NLGN4X: variants seen among roughly 807,000 people sequenced by gnomAD.
NLGN4X encodes the protein neuroligin 4 X-linked, also known as neuroligin-4, X-linked.
In NLGN4X, 3 loss-of-function variants were observed where a neutral mutation model predicts 40.3. That is an observed-to-expected ratio of 0.07 (90% CI 0.03 to 0.19). NLGN4X has a LOEUF of 0.19. NLGN4X is among the 10% of genes least tolerant of loss of function. The probability of loss-of-function intolerance (pLI) is 1.00; values close to 1 mark genes in which losing one functional copy is unlikely to be tolerated. For missense variants in NLGN4X, 382 were observed against 708.3 expected (o/e 0.54, Z 5.23); for synonymous variants, 270 against 306.8 (o/e 0.88, Z 1.25).
chrX:6,005,523 T>G, intron 3 of NLGN4X, among the ~76,000 whole-genome samples: 1 of 111,221 alleles, frequency 9.0e-6, no homozygotes, highest in Non-Finnish European at 1.9e-5. Context: ...TTGTTGGGAC[T>G]CATAAACCCA....
chrX:6,028,008 G>T (rs1214070443), intron 3 of NLGN4X, among the ~76,000 whole-genome samples: 2 of 109,717 alleles, frequency 1.8e-5, no homozygotes, highest in African/African-American at 6.6e-5. Context: ...GTAGAGACAG[G>T]GTTTCACCAC....
Position 5,892,448 on chromosome X carries a change from G to T in NLGN4X, c.*369C>A. 1 of 225,486 alleles carries T rather than the reference G, an allele frequency of 4.4e-6. No individual in the cohort carries two copies. The highest frequency in any genetic ancestry group is 6.1e-5 in the Admixed American group (1 of 16,300). 18.6% of individuals were successfully genotyped at this position (225,486 alleles called of 1,213,427 possible). A position where few individuals can be genotyped will look rare whatever the true frequency, so the allele number is the denominator to read the frequency against. The stretch of plus-strand genomic sequence containing the variant: ...AATTAAAAAATATCAAGTGTCCTTG[G>T]CTGAGTTTCAGAAGTGTCAGCTGCT... On this transcript the variant is annotated 3_prime_UTR_variant, in exon 6 of 6. Coordinates refer to ENST00000381095, the MANE Select transcript of NLGN4X (RefSeq NM_181332.3).
intron 3 of NLGN4X, among the ~76,000 whole-genome samples, chrX:6,006,619 A>T (rs1193982732): frequency 9.0e-6 from 1 of 111,467 alleles, no homozygotes; most frequent in African/African-American, 3.3e-5. Context: ...ATTTCAAACG[A>T]GCTATTTTAC....
At chrX:6,197,434 T>A (rs1923200295) in intron 1 of NLGN4X, among the ~76,000 whole-genome samples, 2 of 107,979 alleles carry the variant, frequency 1.9e-5, no homozygotes, top group South Asian at 8.2e-4. Context: ...GCTATTTTTT[T>A]TTTTTTTTGT....
intron 1 of NLGN4X, among the ~76,000 whole-genome samples, chrX:6,178,797 A>G (rs1056175216): frequency 8.9e-6 from 1 of 111,977 alleles, no homozygotes; most frequent in African/African-American, 3.3e-5. Flanking sequence ...ACTTATGCTA[A>G]AAGTAAAATA....
rs2036049829 is a variant in NLGN4X at position 6,004,376 on chromosome X, T to C, written c.625+24904A>G. On this transcript the variant is annotated intron_variant, in intron 3 of 5. Coordinates refer to ENST00000381095, the MANE Select transcript of NLGN4X (RefSeq NM_181332.3). ...TGTCATTTTACAACTACATTTAAAA[T>C]ATAAAAAACAACATAAGGGAAAAAT... 2.7e-5 allele frequency among the ~76,000 whole-genome samples: 3 copies of C among 112,130 alleles called. No homozygotes were observed. In the South Asian group the frequency reaches 1.1e-3, roughly 41 times the overall value.
At chrX:5,976,871 G>C (rs2035192807) in intron 3 of NLGN4X, among the ~76,000 whole-genome samples, 1 of 112,885 alleles carries the variant, frequency 8.9e-6, no homozygotes, top group Non-Finnish European at 1.9e-5. Flanking sequence ...TGATAATTGA[G>C]AGATGACCAA....
chrX:6,193,492 TA>T (rs34523446), intron 1 of NLGN4X, among the ~76,000 whole-genome samples: 4 of 93,510 alleles, frequency 4.3e-5, no homozygotes, highest in Non-Finnish European at 6.1e-5. Context: ...GTTCCCTATT[TA>T]AAAAAAAAAA....
chrX:6,082,948 G>GTT lies in NLGN4X; in HGVS notation c.473-53518_473-53517dup, dbSNP rs930625574. Among the ~76,000 whole-genome samples, 31 of 70,352 alleles carry GTT rather than the reference G, an allele frequency of 4.4e-4. 1 individual carries two copies. Among genetic ancestry groups the GTT allele is most frequent in the African/African-American group, 8.7e-4 (18 of 20,659 alleles). 61.1% of individuals were successfully genotyped at this position (70,352 alleles called of 115,157 possible). On this transcript the variant is annotated intron_variant, in intron 2 of 5. Transcript: ENST00000381095. ...AAAAAAAGAGATTTTGCCATGATGC[G>GTT]TTTTTTTCTTTTTTTTTTTTTTTTT... is the stretch of plus-strand genomic sequence containing the variant.
At chrX:5,910,828 C>T (rs913749143) in intron 3 of NLGN4X, among the ~76,000 whole-genome samples, 4 of 111,570 alleles carry the variant, frequency 3.6e-5, no homozygotes, top group Non-Finnish European at 5.6e-5. Context: ...GAGGCAGCGT[C>T]GCAACTGCGA....
At chrX:5,954,728 G>C (rs2034437262) in intron 3 of NLGN4X, among the ~76,000 whole-genome samples, 1 of 108,217 alleles carries the variant, frequency 9.2e-6, no homozygotes, top group Non-Finnish European at 1.9e-5. Flanking sequence ...CAAATATCTG[G>C]ATCTTGCCCA....
chrX:5,933,202 T>C (rs1271799519), intron 3 of NLGN4X, among the ~76,000 whole-genome samples: 1 of 111,740 alleles, frequency 8.9e-6, no homozygotes, highest in Non-Finnish European at 1.9e-5. Flanking sequence ...TTTGAGAAAA[T>C]ACTTATCAAA....
chrX:5,928,953 G>A (rs1164944552), intron 3 of NLGN4X, among the ~76,000 whole-genome samples: 1 of 109,082 alleles, frequency 9.2e-6, no homozygotes, highest in Non-Finnish European at 1.9e-5. Context: ...CTGAGTAGCT[G>A]GGACTATAGA....
intron 3 of NLGN4X, among the ~76,000 whole-genome samples, chrX:6,004,925 G>A (rs1034265166): frequency 8.1e-5 from 9 of 111,561 alleles, no homozygotes; most frequent in Non-Finnish European, 1.5e-4. Context: ...ACTGAGAAGA[G>A]GGTCAAGATG....
chrX:5,953,241 T>C (rs1414567432), intron 3 of NLGN4X, among the ~76,000 whole-genome samples: 1 of 110,468 alleles, frequency 9.1e-6, no homozygotes, highest in Non-Finnish European at 1.9e-5. Flanking sequence ...CCAGCTGTGG[T>C]AGCATGTGCC....
chrX:6,025,570 T>C (rs1219675929), intron 3 of NLGN4X, among the ~76,000 whole-genome samples: 1 of 111,861 alleles, frequency 8.9e-6, no homozygotes, highest in East Asian at 2.8e-4. Flanking sequence ...TGAGAGCCTA[T>C]GAAACTTCAT....
At chrX:5,945,670 G>A (rs1379976127) in intron 3 of NLGN4X, among the ~76,000 whole-genome samples, 2 of 111,058 alleles carry the variant, frequency 1.8e-5, no homozygotes, top group African/African-American at 6.6e-5. Flanking sequence ...ATGGCCTCCA[G>A]CTCAGAAAAC....
At chrX:6,034,213 C>T (rs1018368396) in intron 2 of NLGN4X, among the ~76,000 whole-genome samples, 1 of 112,275 alleles carries the variant, frequency 8.9e-6, no homozygotes, top group Non-Finnish European at 1.9e-5. Flanking sequence ...CTTCTCTAGG[C>T]ATTTCATATA....
chrX:6,142,554 G>A lies in NLGN4X; in HGVS notation c.472+8441C>T, dbSNP rs993711330. ...GTAATTTAATTATTTTCACCTAGTTGCATGTTGATGTTGATTGGTTAAAAC... is the reference window on the plus strand; with the variant it reads ...GTAATTTAATTATTTTCACCTAGTTACATGTTGATGTTGATTGGTTAAAAC... On this transcript the variant is annotated intron_variant, in intron 2 of 5. Coordinates refer to ENST00000381095, the MANE Select transcript of NLGN4X (RefSeq NM_181332.3). 6.2e-5 allele frequency among the ~76,000 whole-genome samples: 7 copies of A among 112,470 alleles called. No individual in the cohort carries two copies. The Admixed American group carries it at 6.6e-4, about 11-fold the overall frequency.
Sources: gnomAD v4.1 joint callset for allele counts (sites outside exome capture counted in the v4.1 genomes callset) on GRCh38, gnomAD v4.1.1 for gene constraint, MANE v1.5 for transcripts, NCBI Gene and HGNC (gene_info 2026-07-23, HGNC 2026-07-21) for gene names.